STPG2: variants seen among roughly 807,000 people sequenced by gnomAD.
The protein encoded by STPG2 is sperm tail PG-rich repeat containing 2, also known as sperm-tail PG-rich repeat-containing protein 2.
In STPG2, 56 loss-of-function variants were observed where a neutral mutation model predicts 54.2. The observed-to-expected ratio is 1.03, with a 90% CI of 0.83 to 1.29. STPG2 has a LOEUF of 1.29. Among genes scored for constraint, STPG2 ranks in the 50% most tolerant of loss-of-function variants. The probability of loss-of-function intolerance (pLI) is 0.00; values close to 1 mark genes in which losing one functional copy is unlikely to be tolerated. For missense variants in STPG2, 596 were observed against 544.9 expected (o/e 1.09, Z -0.93); for synonymous variants, 200 against 181.8 (o/e 1.10, Z -0.81).
intron 10 of STPG2, among the ~76,000 whole-genome samples, chr4:97,567,211 TAC>T (rs34172060): frequency 2.8e-5 from 4 of 145,194 alleles, no homozygotes; most frequent in Non-Finnish European, 3.0e-5. Context: ...CACACACACA[TAC>T]ACACACACAC....
At chr4:98,084,030 G>A (rs992803546) in intron 5 of STPG2, among the ~76,000 whole-genome samples, 1 of 151,856 alleles carries the variant, frequency 6.6e-6, no homozygotes, top group Admixed American at 6.6e-5. Flanking sequence ...TTTTGTTGTT[G>A]TTGTTTGTTT....
chr4:97,638,158 G>T (rs1353069440), intron 10 of STPG2, among the ~76,000 whole-genome samples: 1 of 151,998 alleles, frequency 6.6e-6, no homozygotes, highest in Non-Finnish European at 1.5e-5. Flanking sequence ...ATAGATCAAT[G>T]GAACAGAACA....
intron 10 of STPG2, among the ~76,000 whole-genome samples, chr4:97,580,556 C>G (rs2148890522): frequency 6.6e-6 from 1 of 151,956 alleles, no homozygotes; most frequent in African/African-American, 2.4e-5. Flanking sequence ...CTGTCTCTGT[C>G]TCTCTCCCTC....
intron 10 of STPG2, among the ~76,000 whole-genome samples, chr4:97,590,644 C>CACAG (rs1553940801): frequency 2.3e-5 from 3 of 133,072 alleles, no homozygotes; most frequent in African/African-American, 3.9e-5. Context: ...CACAGACACA[C>CACAG]ACACACACAC....
At chr4:98,068,899 C>T (rs577552351) in intron 5 of STPG2, among the ~76,000 whole-genome samples, 1 of 152,058 alleles carries the variant, frequency 6.6e-6, no homozygotes, top group East Asian at 1.9e-4. Flanking sequence ...TGTATCTGAA[C>T]ATACCTAAAC....
intron 5 of STPG2, among the ~76,000 whole-genome samples, chr4:98,054,748 A>C (rs1351197283): frequency 6.6e-6 from 1 of 152,186 alleles, no homozygotes; most frequent in African/African-American, 2.4e-5. Flanking sequence ...GATTTGATGC[A>C]ATTTTCCTTT....
intron 10 of STPG2, among the ~76,000 whole-genome samples, chr4:97,672,470 G>A (rs1383397289): frequency 1.3e-5 from 2 of 152,062 alleles, no homozygotes; most frequent in African/African-American, 2.4e-5. Context: ...GAGCCACCAC[G>A]CCCGGTCACA....
chr4:97,873,731 C>A (rs1013728562), intron 8 of STPG2, among the ~76,000 whole-genome samples: 107 of 151,398 alleles, frequency 7.1e-4, no homozygotes, highest in African/African-American at 2.5e-3. Context: ...AAAACAAAAT[C>A]ATTCTACTCC....
At chr4:98,104,736 T>C (rs1429368983) in intron 5 of STPG2, among the ~76,000 whole-genome samples, 4 of 152,188 alleles carry the variant, frequency 2.6e-5, no homozygotes, top group East Asian at 1.9e-4. Context: ...TTTTAAATTA[T>C]GTATTTCAGA....
intron 9 of STPG2, among the ~76,000 whole-genome samples, chr4:97,793,439 T>C (rs1265840876): frequency 6.6e-6 from 1 of 151,776 alleles, no homozygotes; most frequent in Non-Finnish European, 1.5e-5. Flanking sequence ...TAAAGTTACA[T>C]ATGCATATAT....
intron 10 of STPG2, among the ~76,000 whole-genome samples, chr4:97,644,250 AT>A (rs1475067039): frequency 6.6e-6 from 1 of 151,980 alleles, no homozygotes; most frequent in East Asian, 1.9e-4. Flanking sequence ...ATGAAAAAAA[AT>A]GTTTGTAAAG....
intron 8 of STPG2, among the ~76,000 whole-genome samples, chr4:97,928,961 G>A (rs1273531396): frequency 6.6e-6 from 1 of 151,958 alleles, no homozygotes; most frequent in Non-Finnish European, 1.5e-5. Context: ...GAGATCTGCT[G>A]TACAGATATT....
At chr4:97,964,652 C>G (rs950472579) in intron 7 of STPG2, among the ~76,000 whole-genome samples, 1 of 152,052 alleles carries the variant, frequency 6.6e-6, no homozygotes, top group Non-Finnish European at 1.5e-5. Flanking sequence ...TTAAGGGCAA[C>G]AGATTTCAAA....
intron 10 of STPG2, among the ~76,000 whole-genome samples, chr4:97,634,841 G>A (rs1488172133): frequency 6.6e-6 from 1 of 150,562 alleles, no homozygotes; most frequent in Non-Finnish European, 1.5e-5. Flanking sequence ...GGGACTATGT[G>A]AAAAGACCAA....
intron 8 of STPG2, among the ~76,000 whole-genome samples, chr4:97,847,638 T>C (rs563250416): frequency 6.6e-6 from 1 of 152,320 alleles, no homozygotes; most frequent in Admixed American, 6.5e-5. Context: ...CATAACATTA[T>C]ACCAGTCATA....
chr4:97,989,596 A>G (rs749396152), intron 5 of STPG2, among the ~76,000 whole-genome samples: 4 of 152,210 alleles, frequency 2.6e-5, no homozygotes, highest in African/African-American at 7.2e-5. Context: ...AGCAACCTCA[A>G]CATATAATTT....
chr4:97,463,079 A>T (rs1469940578), intron 4 of STPG2, among the ~76,000 whole-genome samples: 1 of 152,144 alleles, frequency 6.6e-6, no homozygotes, highest in Non-Finnish European at 1.5e-5. Context: ...TTTCACCATT[A>T]TTCTGTATGC....
chr4:98,125,812 G>A (rs13110418), intron 3 of STPG2, among the ~76,000 whole-genome samples: 60,160 of 152,062 alleles, frequency 0.4, 12,152 homozygotes, highest in Middle Eastern at 0.46. Flanking sequence ...TGCCCCTCCC[G>A]CCAGGGGCTC....
chr4:97,855,797 G>T (rs564781877), intron 8 of STPG2, among the ~76,000 whole-genome samples: 18 of 151,894 alleles, frequency 1.2e-4, no homozygotes, highest in African/African-American at 4.1e-4. Flanking sequence ...TTATAGTTTT[G>T]GGTTTTACAT....
Sources: gnomAD v4.1 joint callset for allele counts (sites outside exome capture counted in the v4.1 genomes callset) on GRCh38, gnomAD v4.1.1 for gene constraint, MANE v1.5 for transcripts, NCBI Gene and HGNC (gene_info 2026-07-23, HGNC 2026-07-21) for gene names.